The following ARHGEF12 variants were observed in gnomAD, a reference collection of about 807,000 sequenced individuals.
The protein encoded by ARHGEF12 is KMT2A/ARHGEF12 fusion protein.
Under a neutral mutation model 211.2 loss-of-function variants are expected in ARHGEF12, and 66 were observed. That is an observed-to-expected ratio of 0.31 (90% CI 0.26 to 0.38). ARHGEF12 has a LOEUF of 0.38. Among genes scored for constraint, ARHGEF12 ranks in the 10% least tolerant of loss-of-function variants. ARHGEF12 has a pLI of 1.00. For missense variants in ARHGEF12, 1,429 were observed against 1,869.5 expected, an observed-to-expected ratio of 0.76 and a Z score of 4.34; for synonymous variants, 592 against 638.4, an observed-to-expected ratio of 0.93 and a Z score of 1.09.
In ARHGEF12 at chr11:120,478,294, C is replaced by T; in HGVS notation, c.3671C>T (p.Thr1224Ile). ...QFAKEQHTDG[T>I]LKEVGEDYQI... ...GCAAAGGAACAACATACAGATGGGACACTAAAGGAAGTTGGAGAAGATTAT... is the reference window on the plus strand; with the variant it reads ...GCAAAGGAACAACATACAGATGGGATACTAAAGGAAGTTGGAGAAGATTAT... Residue 1224 changes from threonine (T) to isoleucine (I), a missense_variant, in exon 37 of 41, where the codon ACA (threonine) becomes ATA (isoleucine). By Grantham distance (89) the Thr-to-Ile change is moderately conservative. Coordinates refer to ENST00000397843, the MANE Select transcript of ARHGEF12 (RefSeq NM_015313.3). The T allele has an allele frequency of 6.2e-7, 1 of 1,614,108 alleles. No individual in the cohort carries two copies. The highest frequency in any genetic ancestry group is 1.1e-5 in the South Asian group (1 of 91,082).
At chr11:120,435,449 G>A (rs778351606) in intron 11 of ARHGEF12, among the ~76,000 whole-genome samples, 1 of 148,456 alleles carries the variant, frequency 6.7e-6, no homozygotes, top group Non-Finnish European at 1.5e-5. Flanking sequence ...TACTGTGGTT[G>A]TAAGCTTAAG....
Position 120,485,067 on chromosome 11 carries a change from A to C in ARHGEF12, c.4625A>C (p.Asp1542Ala). 6.2e-7 allele frequency: 1 copy of C among 1,613,528 alleles called. No individual in the cohort carries two copies. Among genetic ancestry groups the C allele is most frequent in the East Asian group, 2.2e-5 (1 of 44,876 alleles). ...TTCCATGTATCTTTATTCTTCTCAG[A>C]TAAAAGTTAGAGCCGCATGTCCTGG... ...AGSALTDKHS[D>A]KS Residue 1542 changes from aspartate (D) to alanine (A), a missense_variant and splice_region_variant, in exon 41 of 41, where the codon GAT becomes GCT. By Grantham distance (126) the Asp-to-Ala change is moderately radical. Transcript: ENST00000397843.
At chr11:120,445,991 G>A (rs974285137) in intron 16 of ARHGEF12, among the ~76,000 whole-genome samples, 2 of 151,952 alleles carry the variant, frequency 1.3e-5, no homozygotes, top group African/African-American at 2.4e-5. Context: ...CACGAGGTCA[G>A]GAGATCGACC....
intron 36 of ARHGEF12, among the ~76,000 whole-genome samples, chr11:120,477,862 C>CA (rs528182938): frequency 0.074 from 5,093 of 68,950 alleles, 205 homozygotes; most frequent in South Asian, 0.2. Context: ...ACCGAAACAC[C>CA]AAAAAAAAAA....
At chr11:120,432,773 T>G (rs892077343) in intron 11 of ARHGEF12, among the ~76,000 whole-genome samples, 1 of 152,166 alleles carries the variant, frequency 6.6e-6, no homozygotes, top group Admixed American at 6.5e-5. Flanking sequence ...TATTGAAGGT[T>G]GTTGTTGGGG....
rs761638472 is a variant in ARHGEF12, at chr11:120,449,174, G to T, written c.1803G>T (p.Leu601=). ...KGKRRGFPSI[L]GPPRRPSRHD... ...AGCGAAGAGGATTCCCCAGCATCCT[G>T]GGACCCCCACGGAGACCAAGCCGTC... is the stretch of plus-strand genomic sequence containing the variant. The change falls in exon 21 of 41, where the codon CTG becomes CTT. Residue 601 remains leucine, a synonymous_variant. Coordinates refer to ENST00000397843, the MANE Select transcript of ARHGEF12 (RefSeq NM_015313.3). 6.2e-7 allele frequency: 1 copy of T among 1,614,116 alleles called. No homozygotes were observed. Among genetic ancestry groups the T allele is most frequent in the South Asian group, 1.1e-5 (1 of 91,062 alleles).
chr11:120,347,379 T>G (rs1591483555), intron 1 of ARHGEF12, among the ~76,000 whole-genome samples: 2 of 151,852 alleles, frequency 1.3e-5, no homozygotes, highest in East Asian at 3.9e-4. Context: ...GTTTCATTTC[T>G]CACTGAGCCT....
rs976348125 is a variant in ARHGEF12, at chr11:120,485,654, C to G, written c.*577C>G. ...GCTTCACTATACAGTATTCCAAGCT[C>G]TCTGCTGTCCAGTAGGCTGCTTCTC... is the stretch of plus-strand genomic sequence containing the variant. On this transcript the variant is annotated 3_prime_UTR_variant, in exon 41 of 41. Transcript: ENST00000397843. 5 of 234,098 alleles carry G rather than the reference C, an allele frequency of 2.1e-5. No individual in the cohort carries two copies. Among genetic ancestry groups the G allele is most frequent in the African/African-American group, 1.1e-4 (5 of 45,462 alleles). The allele number at this position is 234,098 out of a possible 1,614,324, so 14.5% of individuals were successfully genotyped here.
At chr11:120,337,519 G>T (rs1162479044) in intron 1 of ARHGEF12, 1 of 985,304 alleles carries the variant, frequency 1.0e-6, no homozygotes, top group African/African-American at 1.7e-5. Flanking sequence ...GCAAAACCAT[G>T]ATTGTGGTTT....
chr11:120,420,685 T>C (rs2135668829), intron 4 of ARHGEF12, 68 bp from the exon 5 acceptor site: 1 of 1,301,854 alleles, frequency 7.7e-7, no homozygotes, highest in Non-Finnish European at 1.1e-6. Flanking sequence ...ATTACTAATA[T>C]ATAATTATTG....
Position 120,459,247 on chromosome 11 carries a change from C to T in ARHGEF12, c.2454C>T (p.Ser818=). 1.2e-6 allele frequency: 2 copies of T among 1,613,486 alleles called. No individual in the cohort carries two copies. Among genetic ancestry groups the T allele is most frequent in the East Asian group, 2.2e-5 (1 of 44,794 alleles). The stretch of plus-strand genomic sequence containing the variant: ...ATCAAGTGTTCTATCAGCGAGTATC[C>T]AGAGAAGGAATTCTGTCACCCTCAG... The part of the protein sequence containing the change: ...VLDQVFYQRV[S]REGILSPSEL... The change falls in exon 26 of 41, where the codon TCC becomes TCT. Residue 818 remains serine, a synonymous_variant. Coordinates refer to ENST00000397843, the MANE Select transcript of ARHGEF12 (RefSeq NM_015313.3).
intron 11 of ARHGEF12, among the ~76,000 whole-genome samples, chr11:120,434,327 T>C (rs2135742562): frequency 6.6e-6 from 1 of 152,312 alleles, no homozygotes; most frequent in African/African-American, 2.4e-5. Context: ...AGTATCACCA[T>C]TTCATAGATG....
In ARHGEF12 at chr11:120,476,645, G is replaced by C. The variant is rs781280937; in HGVS notation, c.3278-16G>C. 2.2e-5 allele frequency: 35 copies of C among 1,606,062 alleles called. No homozygotes were observed. The South Asian group carries it at 3.2e-4, about 15-fold the overall frequency. ...CAGGTCATAGTATTAGAGTAATCTT[G>C]TATTGTTTTTTCCAGATAACAAAGC... is the stretch of plus-strand genomic sequence containing the variant. On this transcript the variant is annotated splice_polypyrimidine_tract_variant and intron_variant, in intron 33 of 40. Transcript: ENST00000397843.
intron 1 of ARHGEF12, among the ~76,000 whole-genome samples, chr11:120,403,285 T>C (rs1944594426): frequency 6.6e-6 from 1 of 152,138 alleles, no homozygotes. Flanking sequence ...GGCAGGCTGA[T>C]CACTTGAGGT....
rs769586491 is a variant in ARHGEF12, at chr11:120,465,239, C to T, written c.2616C>T (p.Phe872=). ...DQIGEDLLTW[F]SGPGEEKLKH... is the part of the protein sequence containing the mutation. ...TGTTCTTTGCATTCTTGGCACAGTT[C>T]AGCGGACCAGGAGAGGAGAAATTGA... The change falls in exon 28 of 41, where the codon TTC becomes TTT. Residue 872 remains phenylalanine, a splice_region_variant and synonymous_variant. Transcript: ENST00000397843. 10 of 1,614,102 alleles carry T rather than the reference C, an allele frequency of 6.2e-6. No individual in the cohort carries two copies. In the South Asian group the frequency reaches 8.8e-5, roughly 14 times the overall value.
intron 1 of ARHGEF12, among the ~76,000 whole-genome samples, chr11:120,369,279 C>A (rs1037122890): frequency 1.4e-4 from 21 of 152,002 alleles, no homozygotes; most frequent in Non-Finnish European, 2.4e-4. Context: ...CAGGCGCACA[C>A]CCGCACAACT....
Position 120,465,267 on chromosome 11 carries a change from C to T in ARHGEF12, c.2644C>T (p.His882Tyr). ...FSGPGEEKLKHAAATFCSNQP... is the reference protein window; with the variant it reads ...FSGPGEEKLKYAAATFCSNQP... ...CGGACCAGGAGAGGAGAAATTGAAA[C>T]ATGCTGCTGCTACCTTTTGCAGTAA... is the stretch of plus-strand genomic sequence containing the variant. The change falls in exon 28 of 41, where the codon CAT (histidine) becomes TAT (tyrosine). Residue 882 changes from histidine to tyrosine, a missense_variant. By Grantham distance (83) the His-to-Tyr change is moderately conservative. Transcript: ENST00000397843. The T allele has an allele frequency of 1.9e-6, 3 of 1,614,134 alleles. No homozygotes were observed. Among genetic ancestry groups the T allele is most frequent in the Non-Finnish European group, 2.5e-6 (3 of 1,180,022 alleles).
At chr11:120,357,014 GTT>G (rs1012647057) in intron 1 of ARHGEF12, among the ~76,000 whole-genome samples, 1 of 144,516 alleles carries the variant, frequency 6.9e-6, no homozygotes, top group Non-Finnish European at 1.5e-5. Flanking sequence ...AACCTGCACT[GTT>G]TTTTTTTTTG....
intron 22 of ARHGEF12, among the ~76,000 whole-genome samples, chr11:120,452,717 C>A (rs1344985778): frequency 6.6e-6 from 1 of 152,104 alleles, no homozygotes; most frequent in Non-Finnish European, 1.5e-5. Context: ...AAGACAAGGT[C>A]GGGTGCAGTG....
Sources: gnomAD v4.1 joint callset for allele counts (sites outside exome capture counted in the v4.1 genomes callset) on GRCh38, gnomAD v4.1.1 for gene constraint, MANE v1.5 for transcripts, NCBI Gene and HGNC (gene_info 2026-07-23, HGNC 2026-07-21) for gene names.